Variants in LRMDA observed in about 807,000 individuals in gnomAD.
The protein encoded by LRMDA is leucine rich melanocyte differentiation associated.
Under a neutral mutation model 29.8 loss-of-function variants are expected in LRMDA, and 18 were observed. The observed-to-expected ratio is 0.60, with a 90% CI of 0.42 to 0.90. LRMDA has a LOEUF of 0.90. Among genes scored for constraint, LRMDA ranks in the 40% least tolerant of loss-of-function variants. LRMDA has a pLI of 0.00. For synonymous variants in LRMDA, 125 were observed against 109.4 expected (o/e 1.14, Z -0.89); for missense variants, 273 against 273.9 (o/e 1.00, Z 0.02).
intron 2 of LRMDA, among the ~76,000 whole-genome samples, chr10:75,927,675 A>T (rs1179416463): frequency 6.6e-6 from 1 of 152,204 alleles, no homozygotes; most frequent in Non-Finnish European, 1.5e-5. Context: ...CACTTTGCAA[A>T]TGAGGTAACT....
chr10:75,508,479 TGACTG>T (rs1327273652), intron 2 of LRMDA, among the ~76,000 whole-genome samples: 4 of 152,216 alleles, frequency 2.6e-5, no homozygotes, highest in Non-Finnish European at 5.9e-5. Context: ...AAGAGAAACT[TGACTG>T]GAGTGCTGTT....
chr10:75,538,060 A>T (rs148382218), intron 2 of LRMDA, among the ~76,000 whole-genome samples: 89 of 152,294 alleles, frequency 5.8e-4, no homozygotes, highest in African/African-American at 1.8e-3. Flanking sequence ...TTCCTGCTCC[A>T]CCACAGTATA....
intron 2 of LRMDA, among the ~76,000 whole-genome samples, chr10:75,788,337 A>G (rs1843508314): frequency 6.6e-6 from 1 of 152,220 alleles, no homozygotes; most frequent in South Asian, 2.1e-4. Context: ...CTGTATCAAC[A>G]TCTTTAGCTG....
At chr10:76,474,403 G>A (rs1842646797) in intron 6 of LRMDA, among the ~76,000 whole-genome samples, 1 of 151,546 alleles carries the variant, frequency 6.6e-6, no homozygotes, top group Admixed American at 6.6e-5. Flanking sequence ...TTTAAAACTT[G>A]GGTGCCTCAA....
At chr10:76,238,107 T>C (rs969188387) in intron 5 of LRMDA, among the ~76,000 whole-genome samples, 1 of 152,100 alleles carries the variant, frequency 6.6e-6, no homozygotes, top group Non-Finnish European at 1.5e-5. Context: ...GCATATTCAT[T>C]ATGTGTCTCC....
intron 2 of LRMDA, among the ~76,000 whole-genome samples, chr10:75,842,858 TA>T (rs57455428): frequency 0.024 from 3,434 of 142,836 alleles, 40 homozygotes; most frequent in Middle Eastern, 0.033. Context: ...CCCTGTTTCT[TA>T]AAAAAAAAAA....
chr10:75,887,461 A>T (rs549714759), intron 2 of LRMDA, among the ~76,000 whole-genome samples: 1 of 152,274 alleles, frequency 6.6e-6, no homozygotes, highest in East Asian at 1.9e-4. Context: ...TCCCCCGAAC[A>T]TCATCTCTGT....
chr10:76,556,163 C>G (rs921322620), intron 6 of LRMDA, among the ~76,000 whole-genome samples: 4 of 152,044 alleles, frequency 2.6e-5, no homozygotes, highest in Non-Finnish European at 5.9e-5. Context: ...GGGCATTTTT[C>G]ATTGTTAAGT....
intron 5 of LRMDA, among the ~76,000 whole-genome samples, chr10:76,221,155 A>T (rs1851826652): frequency 6.6e-6 from 1 of 152,056 alleles, no homozygotes. Flanking sequence ...ACAAACCCAC[A>T]GCCAATATCA....
intron 4 of LRMDA, among the ~76,000 whole-genome samples, chr10:76,051,824 A>ATTAGTCCCCAAGCT (rs1848535759): frequency 1.3e-5 from 2 of 152,224 alleles, no homozygotes; most frequent in Non-Finnish European, 2.9e-5. Flanking sequence ...TCACTATGCT[A>ATTAGTCCCCAAGCT]TTAGTCCCCA....
intron 2 of LRMDA, among the ~76,000 whole-genome samples, chr10:75,819,796 A>T (rs1412570701): frequency 6.6e-6 from 1 of 152,204 alleles, no homozygotes. Flanking sequence ...TGGTGGATCT[A>T]GACCTGTACT....
At chr10:75,433,120 G>A (rs1352801487) in intron 1 of LRMDA, among the ~76,000 whole-genome samples, 1 of 152,170 alleles carries the variant, frequency 6.6e-6, no homozygotes, top group Admixed American at 6.5e-5. Context: ...TTACTGCCTG[G>A]AGGGAGGGGC....
chr10:75,481,320 G>A (rs1341821514), intron 2 of LRMDA, among the ~76,000 whole-genome samples: 3 of 152,094 alleles, frequency 2.0e-5, no homozygotes, highest in Non-Finnish European at 4.4e-5. Context: ...GCAGATTTGT[G>A]CTTTGCCAGA....
At chr10:75,808,753 C>G (rs1030658586) in intron 2 of LRMDA, among the ~76,000 whole-genome samples, 6 of 152,188 alleles carry the variant, frequency 3.9e-5, no homozygotes, top group African/African-American at 1.4e-4. Context: ...CATGATCCGC[C>G]CACCTCGGCC....
At chr10:75,792,119 A>G (rs1331521547) in intron 2 of LRMDA, among the ~76,000 whole-genome samples, 1 of 151,936 alleles carries the variant, frequency 6.6e-6, no homozygotes, top group Admixed American at 6.6e-5. Context: ...CGGCCTCTCA[A>G]AGTGCTGCGG....
intron 5 of LRMDA, among the ~76,000 whole-genome samples, chr10:76,145,033 G>A (rs1447849420): frequency 6.6e-6 from 1 of 152,164 alleles, no homozygotes; most frequent in East Asian, 1.9e-4. Flanking sequence ...TTGCATCCAG[G>A]GATGAAGCCC....
At chr10:76,252,404 A>C (rs756887192) in intron 5 of LRMDA, among the ~76,000 whole-genome samples, 10 of 152,194 alleles carry the variant, frequency 6.6e-5, no homozygotes, top group Non-Finnish European at 1.3e-4. Context: ...TCAAGGAAAA[A>C]AAAGCTAAGT....
chr10:75,564,901 C>A (rs887136600), intron 2 of LRMDA, among the ~76,000 whole-genome samples: 2 of 152,154 alleles, frequency 1.3e-5, no homozygotes, highest in African/African-American at 4.8e-5. Context: ...TTCTGCAATT[C>A]CATGATTTTA....
At chr10:76,108,515 C>G (rs1444729298) in intron 5 of LRMDA, among the ~76,000 whole-genome samples, 4 of 152,148 alleles carry the variant, frequency 2.6e-5, no homozygotes, top group Non-Finnish European at 5.9e-5. Context: ...CAAAGATAAA[C>G]ACCCCTACAC....
Sources: allele counts gnomAD v4.1 joint callset (sites outside exome capture counted in the v4.1 genomes callset), GRCh38; gene constraint gnomAD v4.1.1; transcripts MANE v1.5; gene names NCBI Gene and HGNC (gene_info 2026-07-23, HGNC 2026-07-21).